Variants in PPP2R2A observed in about 807,000 individuals in gnomAD.
PPP2R2A encodes serine/threonine-protein phosphatase 2A 55 kDa regulatory subunit B alpha isoform.
PPP2R2A carries 9 observed loss-of-function variants against 53.2 expected under a neutral mutation model. That is an observed-to-expected ratio of 0.17 (90% confidence interval 0.10 to 0.30). The LOEUF is 0.30. Ranked by LOEUF, PPP2R2A falls within the 10% of genes least tolerant of loss-of-function variation. PPP2R2A has a pLI of 1.00. For missense variants in PPP2R2A, 235 were observed against 534.6 expected (o/e 0.44, Z 5.53); for synonymous variants, 169 against 174.2 (o/e 0.97, Z 0.23).
intron 2 of PPP2R2A, among the ~76,000 whole-genome samples, chr8:26,330,473 G>A (rs1296846828): frequency 1.3e-5 from 2 of 151,804 alleles, no homozygotes; most frequent in Non-Finnish European, 2.9e-5. Context: ...GACCGCAGGA[G>A]CACGCTACAG....
rs1805359431 is a variant in PPP2R2A, at chr8:26,366,064, T to TA, written c.973-248dup. 3 of 376,896 alleles carry TA rather than the reference T, an allele frequency of 8.0e-6. No individual in the cohort carries two copies. The East Asian group carries it at 1.5e-4, about 19-fold the overall frequency. 23.3% of individuals were successfully genotyped at this position (376,896 alleles called of 1,614,324 possible). A position where few individuals can be genotyped will look rare whatever the true frequency, so the allele number is the denominator to read the frequency against. On this transcript the variant is annotated intron_variant, in intron 8 of 9. Transcript: ENST00000380737. ...GGCCTGAATGTTTTATTCAGGCTTA[T>TA]AAAGGCTATGTGTGCCATGCCCAGA...
At chr8:26,368,406 G>C (rs1231754820) in intron 9 of PPP2R2A, among the ~76,000 whole-genome samples, 2 of 152,180 alleles carry the variant, frequency 1.3e-5, no homozygotes. Flanking sequence ...CAAATTAAGA[G>C]CTTCAAACTT....
chr8:26,296,953 G>C (rs1280660089), intron 2 of PPP2R2A, among the ~76,000 whole-genome samples: 1 of 152,166 alleles, frequency 6.6e-6, no homozygotes, highest in Non-Finnish European at 1.5e-5. Context: ...TTTTACCCTA[G>C]CTCCAGCACA....
chr8:26,363,968 G>A, intron 8 of PPP2R2A, 78 bp downstream of exon 8: 1 of 1,313,698 alleles, frequency 7.6e-7, no homozygotes, highest in African/African-American at 1.5e-5. Flanking sequence ...TTGTTACTAG[G>A]TTTTAATCCC....
At chr8:26,302,644 C>T (rs1320736114) in intron 2 of PPP2R2A, among the ~76,000 whole-genome samples, 1 of 152,206 alleles carries the variant, frequency 6.6e-6, no homozygotes, top group Non-Finnish European at 1.5e-5. Context: ...AAATATTCCT[C>T]CCTTTCTAAC....
chr8:26,360,308 A>G lies in PPP2R2A; in HGVS notation c.459+27A>G, dbSNP rs1270539470. Reference sequence around the variant, plus strand: ...TAAGTACATAAGAAAAAAATGTCACAGATAGTGCTTGTATTCATATTATAT... The same window carrying G: ...TAAGTACATAAGAAAAAAATGTCACGGATAGTGCTTGTATTCATATTATAT... On this transcript the variant is annotated intron_variant, in intron 5 of 9. Coordinates refer to ENST00000380737, the MANE Select transcript of PPP2R2A (RefSeq NM_002717.4). The surrounding 1 kb of genome is among the most constrained non-coding windows in gnomAD (Gnocchi z 4.5). 2.2e-6 allele frequency: 3 copies of G among 1,384,394 alleles called. No individual in the cohort carries two copies. The African/African-American group carries it at 4.3e-5, about 20-fold the overall frequency. 85.8% of individuals were successfully genotyped at this position (1,384,394 alleles called of 1,614,324 possible).
chr8:26,310,001 G>A (rs1334410991), intron 2 of PPP2R2A, among the ~76,000 whole-genome samples: 3 of 151,494 alleles, frequency 2.0e-5, no homozygotes, highest in Non-Finnish European at 4.4e-5. Flanking sequence ...GGTGCCATTC[G>A]GCCAGGCGTG....
intron 3 of PPP2R2A, among the ~76,000 whole-genome samples, chr8:26,343,187 A>T (rs537630957): frequency 2.1e-4 from 32 of 152,032 alleles, no homozygotes; most frequent in Non-Finnish European, 4.3e-4. Flanking sequence ...CTAATAATAA[A>T]AAATAAATAA....
At chr8:26,365,499 C>T (rs532230546) in intron 8 of PPP2R2A, 1 of 152,124 alleles carries the variant, frequency 6.6e-6, no homozygotes, top group Admixed American at 6.5e-5. Context: ...TTAGAAGGTA[C>T]CTTCTCATTT....
At chr8:26,328,162 A>C (rs1003169576) in intron 2 of PPP2R2A, among the ~76,000 whole-genome samples, 6 of 152,220 alleles carry the variant, frequency 3.9e-5, no homozygotes, top group Non-Finnish European at 8.8e-5. Context: ...TAAATGATCC[A>C]TCTATTATTC....
At chr8:26,331,697 C>A (rs1803385066) in intron 2 of PPP2R2A, among the ~76,000 whole-genome samples, 1 of 152,166 alleles carries the variant, frequency 6.6e-6, no homozygotes, top group South Asian at 2.1e-4. Flanking sequence ...TTGGCAGCCC[C>A]ATTTGTTTGT....
chr8:26,365,916 A>G (rs889680742), intron 8 of PPP2R2A: 2 of 156,306 alleles, frequency 1.3e-5, no homozygotes, highest in East Asian at 3.8e-4. Flanking sequence ...TAAGAAAGAA[A>G]TAGGCACAGT....
Position 26,360,828 on chromosome 8 carries a change from C to A in PPP2R2A, c.460-146C>A. On this transcript the variant is annotated intron_variant, in intron 5 of 9. Coordinates refer to ENST00000380737, the MANE Select transcript of PPP2R2A (RefSeq NM_002717.4). This position sits in a 1 kb window ranked among gnomAD's most constrained non-coding sequence, Gnocchi z 4.5. ...TTTCTTCAGCACTCGAAAGGATCAA[C>A]ATCAGTTGCTTTTTAAAACTAAATC... 1.5e-6 allele frequency: 1 copy of A among 677,056 alleles called. No homozygotes were observed. The highest frequency in any genetic ancestry group is 2.3e-6 in the Non-Finnish European group (1 of 431,860). The allele number at this position is 677,056 out of a possible 1,614,324, so 41.9% of individuals were successfully genotyped here. A position where few individuals can be genotyped will look rare whatever the true frequency, so the allele number is the denominator to read the frequency against.
chr8:26,308,765 C>G (rs1303259674), intron 2 of PPP2R2A, among the ~76,000 whole-genome samples: 2 of 152,174 alleles, frequency 1.3e-5, no homozygotes, highest in Non-Finnish European at 2.9e-5. Context: ...TTAATGGCAT[C>G]TAGAATGTTG....
At chr8:26,339,544 C>T (rs902531907) in intron 3 of PPP2R2A, among the ~76,000 whole-genome samples, 14 of 152,140 alleles carry the variant, frequency 9.2e-5, no homozygotes, top group Admixed American at 2.6e-4. Flanking sequence ...ATTGCAGAAT[C>T]GGTAATTAAA....
chr8:26,352,502 GT>G (rs1399253950), intron 3 of PPP2R2A, among the ~76,000 whole-genome samples: 2 of 152,118 alleles, frequency 1.3e-5, no homozygotes, highest in African/African-American at 4.8e-5. Flanking sequence ...TAAAAGTTCT[GT>G]TATGATCACT....
chr8:26,341,882 A>T (rs1803961127), intron 3 of PPP2R2A, among the ~76,000 whole-genome samples: 1 of 152,208 alleles, frequency 6.6e-6, no homozygotes, highest in African/African-American at 2.4e-5. Context: ...TGACATCTGT[A>T]ACCCCTCATT....
intron 8 of PPP2R2A, among the ~76,000 whole-genome samples, chr8:26,364,936 G>T (rs537871271): frequency 2.0e-5 from 3 of 152,146 alleles, no homozygotes; most frequent in Admixed American, 1.3e-4. Context: ...GTATACCTGG[G>T]GTTCTTGGAA....
At chr8:26,353,671 G>A (rs1018309574) in intron 3 of PPP2R2A, among the ~76,000 whole-genome samples, 2 of 152,168 alleles carry the variant, frequency 1.3e-5, no homozygotes, top group Non-Finnish European at 2.9e-5. Context: ...CTTTTGCTGA[G>A]ATATTAATGC....
Sources: gnomAD v4.1 joint callset for allele counts (sites outside exome capture counted in the v4.1 genomes callset) on GRCh38, gnomAD v4.1.1 for gene constraint, Gnocchi (gnomAD v3.1) non-coding constraint, MANE v1.5 for transcripts, NCBI Gene and HGNC (gene_info 2026-07-23, HGNC 2026-07-21) for gene names.